The following ATP10A variants were observed in gnomAD, a reference collection of about 807,000 sequenced individuals.
ATP10A encodes ATPase phospholipid transporting 10A (putative), also known as phospholipid-transporting ATPase VA.
In ATP10A, 111 loss-of-function variants were observed where a neutral mutation model predicts 147.8. The observed-to-expected ratio is 0.75, with a 90% CI of 0.64 to 0.88. ATP10A has a LOEUF of 0.88. Ranked by LOEUF, ATP10A falls within the 40% of genes least tolerant of loss-of-function variation. The pLI is 0.00. For synonymous variants in ATP10A, 875 were observed against 841.6 expected, an observed-to-expected ratio of 1.04 and a Z score of -0.69; for missense variants, 1,927 against 1,959.0, an observed-to-expected ratio of 0.98 and a Z score of 0.31.
chr15:25,841,684 A>G (rs1288979754), intron 1 of ATP10A: 1 of 151,990 alleles, frequency 6.6e-6, no homozygotes, highest in African/African-American at 2.4e-5. Context: ...TTTCCGATCC[A>G]TGAACATGGG....
At chr15:25,702,739 T>G (rs1395295154) in intron 12 of ATP10A, among the ~76,000 whole-genome samples, 1 of 152,078 alleles carries the variant, frequency 6.6e-6, no homozygotes, top group African/African-American at 2.4e-5. Context: ...GAAATGTGCT[T>G]AGGCCTGCCT....
chr15:25,747,196 A>C (rs554641182), intron 2 of ATP10A, among the ~76,000 whole-genome samples: 1 of 151,668 alleles, frequency 6.6e-6, no homozygotes, highest in South Asian at 2.1e-4. Flanking sequence ...GGCTGAGTCA[A>C]GAGAAACACT....
At chr15:25,755,659 A>G (rs1596822330) in intron 2 of ATP10A, among the ~76,000 whole-genome samples, 1 of 152,318 alleles carries the variant, frequency 6.6e-6, no homozygotes. Flanking sequence ...ACCTCTGAAA[A>G]TGGTCTCCAT....
Position 25,684,332 on chromosome 15 carries a change from T to C in ATP10A, c.3292-846A>G, listed in dbSNP as rs566317560. On this transcript the variant is annotated intron_variant, in intron 16 of 20. Coordinates refer to ENST00000555815, the MANE Select transcript of ATP10A (RefSeq NM_024490.4). ...AAAGCATTCTAACACTCATGAGCTA[T>C]GTAGCTGGGCACAGAGCATGAACTC... Among the ~76,000 whole-genome samples the C allele has an allele frequency of 3.3e-5, 5 of 152,340 alleles. No individual in the cohort carries two copies. In the East Asian group the frequency reaches 5.8e-4, roughly 18 times the overall value.
At chr15:25,807,931 C>G (rs900962316) in intron 1 of ATP10A, among the ~76,000 whole-genome samples, 3 of 151,732 alleles carry the variant, frequency 2.0e-5, no homozygotes. Context: ...TGAACGATTT[C>G]TTTGAGGAAG....
chr15:25,724,992 G>T (rs1902454197), intron 5 of ATP10A, among the ~76,000 whole-genome samples: 1 of 152,164 alleles, frequency 6.6e-6, no homozygotes, highest in Non-Finnish European at 1.5e-5. Context: ...TAAAGCAGGG[G>T]TCCCTAATCC....
intron 1 of ATP10A, among the ~76,000 whole-genome samples, chr15:25,789,146 G>C (rs1354700461): frequency 6.6e-6 from 1 of 152,106 alleles, no homozygotes; most frequent in Non-Finnish European, 1.5e-5. Context: ...ATTTTTTGTA[G>C]AGATGGGGTT....
intron 1 of ATP10A, among the ~76,000 whole-genome samples, chr15:25,795,615 T>C (rs1353641309): frequency 6.6e-6 from 1 of 152,224 alleles, no homozygotes; most frequent in Non-Finnish European, 1.5e-5. Context: ...TCCCAAAGTG[T>C]GCCAGACAGG....
intron 1 of ATP10A, among the ~76,000 whole-genome samples, chr15:25,798,982 A>G (rs2140773063): frequency 6.6e-6 from 1 of 152,218 alleles, no homozygotes; most frequent in African/African-American, 2.4e-5. Context: ...AGGCTATGTG[A>G]CTTTAAAAAA....
Position 25,714,035 on chromosome 15 carries a change from G to A in ATP10A, c.1983C>T (p.Pro661=), listed in dbSNP as rs746988540. Residue 661 remains proline (P), a synonymous_variant, in exon 10 of 21, where the codon CCC becomes CCT. Transcript: ENST00000555815. Reference sequence around the variant, plus strand: ...AGCCGTTGCTGGCGATGGCCGAGGTGGGCTGGCCCAGCCTCTCCTCCAGCC... The same window carrying A: ...AGCCGTTGCTGGCGATGGCCGAGGTAGGCTGGCCCAGCCTCTCCTCCAGCC... ...LLRLEERLGQ[P]TSAIASNGYS... The A allele has an allele frequency of 6.2e-6, 10 of 1,611,500 alleles. No homozygotes were observed. The highest frequency in any genetic ancestry group is 8.5e-6 in the Non-Finnish European group (10 of 1,179,918).
intron 2 of ATP10A, among the ~76,000 whole-genome samples, chr15:25,780,294 G>C (rs1889849316): frequency 6.6e-6 from 1 of 152,258 alleles, no homozygotes; most frequent in Non-Finnish European, 1.5e-5. Context: ...TTGCTGTCTA[G>C]GCCAGAGCAG....
intron 2 of ATP10A, among the ~76,000 whole-genome samples, chr15:25,756,704 T>A (rs756566210): frequency 6.6e-6 from 1 of 152,142 alleles, no homozygotes; most frequent in Non-Finnish European, 1.5e-5. Flanking sequence ...ACATTCTATC[T>A]GAAAGAAACA....
At chr15:25,780,265 A>C (rs1889846676) in intron 2 of ATP10A, among the ~76,000 whole-genome samples, 1 of 152,232 alleles carries the variant, frequency 6.6e-6, no homozygotes, top group Non-Finnish European at 1.5e-5. Context: ...CCCACCCTTC[A>C]GGGCAGGCCG....
At chr15:25,761,850 GA>G (rs1313447835) in intron 2 of ATP10A, among the ~76,000 whole-genome samples, 9 of 152,176 alleles carry the variant, frequency 5.9e-5, no homozygotes. Context: ...TTCGGACTTG[GA>G]CTTTTGGGTT....
intron 4 of ATP10A, among the ~76,000 whole-genome samples, chr15:25,726,474 C>T (rs572028935): frequency 2.0e-5 from 3 of 149,676 alleles, no homozygotes; most frequent in South Asian, 2.1e-4. Flanking sequence ...TGGAGTCTTA[C>T]TCTGTTGCCC....
At chr15:25,723,741 A>C in intron 6 of ATP10A, 150 bp downstream of exon 6, 1 of 599,654 alleles carries the variant, frequency 1.7e-6, no homozygotes, top group South Asian at 4.9e-5. Flanking sequence ...TTGGTGATTT[A>C]GGCTGAAAAA....
chr15:25,677,342 C>T (rs1340676360), downstream of ATP10A: 1 of 152,142 alleles, frequency 6.6e-6, no homozygotes, highest in Non-Finnish European at 1.5e-5. Flanking sequence ...GCTGTCAATG[C>T]CATTTACAAC....
intron 1 of ATP10A, among the ~76,000 whole-genome samples, chr15:25,856,856 A>G (rs1434693849): frequency 1.3e-5 from 2 of 152,190 alleles, no homozygotes; most frequent in Admixed American, 1.3e-4. Flanking sequence ...AGGAATTACA[A>G]TAGAAAAAAA....
chr15:25,724,214 G>A (rs1902412946), intron 5 of ATP10A, among the ~76,000 whole-genome samples, 193 bp from the exon 6 acceptor site: 1 of 152,202 alleles, frequency 6.6e-6, no homozygotes, highest in Admixed American at 6.5e-5. Context: ...GGAAGGAGGT[G>A]GGACCTGGTC....
Sources: allele counts gnomAD v4.1 joint callset (sites outside exome capture counted in the v4.1 genomes callset), GRCh38; gene constraint gnomAD v4.1.1; transcripts MANE v1.5; gene names NCBI Gene and HGNC (gene_info 2026-07-23, HGNC 2026-07-21).